The following EHD2 variants were observed in gnomAD, a reference collection of about 807,000 sequenced individuals.
The protein encoded by EHD2 is EH domain-containing protein 2.
In EHD2, 27 loss-of-function variants were observed where a neutral mutation model predicts 41.0. The observed-to-expected ratio is 0.66, with a 90% CI of 0.49 to 0.91. The LOEUF (loss-of-function observed/expected upper bound fraction) is 0.91. Among genes scored for constraint, EHD2 ranks in the 40% least tolerant of loss-of-function variants. The pLI, the probability that EHD2 is intolerant of heterozygous loss-of-function variation, is 0.00. For missense variants in EHD2, 673 were observed against 773.9 expected, an observed-to-expected ratio of 0.87 and a Z score of 1.55; for synonymous variants, 342 against 341.0, an observed-to-expected ratio of 1.00 and a Z score of -0.03.
intron 4 of EHD2, among the ~76,000 whole-genome samples, chr19:47,728,882 T>C (rs1194048809): frequency 6.6e-6 from 1 of 152,266 alleles, no homozygotes; most frequent in Non-Finnish European, 1.5e-5. Context: ...TCAGGGCTCT[T>C]TGAATTCCTT....
At chr19:47,723,679 A>C (rs897886992) in intron 3 of EHD2, among the ~76,000 whole-genome samples, 162 of 141,360 alleles carry the variant, frequency 1.1e-3, no homozygotes, top group African/African-American at 4.3e-3. Flanking sequence ...AAAAAGCTCA[A>C]CCATTTTTTT....
chr19:47,719,459 G>C lies in EHD2; in HGVS notation c.502+853G>C, dbSNP rs879393696. On this transcript the variant is annotated intron_variant, in intron 3 of 5. Coordinates refer to ENST00000263277, the MANE Select transcript of EHD2 (RefSeq NM_014601.4). The surrounding 1 kb of genome is among the most constrained non-coding windows in gnomAD (Gnocchi z 4.1). The stretch of plus-strand genomic sequence containing the variant: ...GGGGTGGATTCCAGCCGGGGCCTCC[G>C]GGCGTGCTGAGCCCTCACCACCCCT... Among the ~76,000 whole-genome samples the C allele has an allele frequency of 6.6e-6, 1 of 152,176 alleles. No individual in the cohort carries two copies. Among genetic ancestry groups the C allele is most frequent in the East Asian group, 1.9e-4 (1 of 5,156 alleles).
chr19:47,733,873 G>A (rs905177805), intron 4 of EHD2, among the ~76,000 whole-genome samples: 2 of 151,358 alleles, frequency 1.3e-5, no homozygotes, highest in South Asian at 2.1e-4. Flanking sequence ...AGGAACCCCC[G>A]AAAGGATCTT....
intron 4 of EHD2, among the ~76,000 whole-genome samples, chr19:47,730,150 G>A (rs1973793493): frequency 1.3e-5 from 2 of 151,990 alleles, no homozygotes; most frequent in African/African-American, 4.8e-5. Context: ...CCGGAGTCAG[G>A]GACCCAGCCC....
At chr19:47,738,801 C>T (rs1211441085) in intron 5 of EHD2, among the ~76,000 whole-genome samples, 1 of 152,192 alleles carries the variant, frequency 6.6e-6, no homozygotes. Flanking sequence ...GCCTCTCTGC[C>T]TTGGCTCAGG....
chr19:47,732,801 G>C (rs542645362), intron 4 of EHD2, among the ~76,000 whole-genome samples: 13 of 152,080 alleles, frequency 8.5e-5, no homozygotes, highest in Non-Finnish European at 1.5e-5. Flanking sequence ...ATAAGATTGT[G>C]GACCAGGTGT....
At chr19:47,721,237 T>G (rs368832693) in intron 3 of EHD2, among the ~76,000 whole-genome samples, 2 of 152,172 alleles carry the variant, frequency 1.3e-5, no homozygotes, top group African/African-American at 4.8e-5. Context: ...ATGTAAGATG[T>G]GTGAACACAC....
At chr19:47,736,328 G>GT (rs764616088) in intron 4 of EHD2, 41 bp from the exon 5 acceptor site, 1 of 1,570,838 alleles carries the variant, frequency 6.4e-7, no homozygotes, top group Admixed American at 1.9e-5. Flanking sequence ...AAGCTCCCTG[G>GT]TGGACCCTGA....
At chr19:47,723,878 T>A (rs1454881748) in intron 3 of EHD2, among the ~76,000 whole-genome samples, 2 of 151,872 alleles carry the variant, frequency 1.3e-5, no homozygotes, top group Admixed American at 1.3e-4. Flanking sequence ...AGAGACAGGG[T>A]CTTGTCATCT....
rs769487418 is a variant in EHD2 at position 47,725,881 on chromosome 19, C to T, written c.572C>T (p.Ala191Val). The change falls in exon 4 of 6, where the codon GCG (alanine) becomes GTG (valine). Residue 191 changes from alanine to valine, a missense_variant. Transcript: ENST00000263277. Reference protein sequence around the residue: ...RVDLIILLFDAHKLEISDEFS... With the variant: ...RVDLIILLFDVHKLEISDEFS... Reference sequence around the variant, plus strand: ...GACCTCATCATCCTGCTCTTTGATGCGCACAAGCTGGAGATCTCGGACGAG... The same window carrying T: ...GACCTCATCATCCTGCTCTTTGATGTGCACAAGCTGGAGATCTCGGACGAG... The T allele has an allele frequency of 6.2e-6, 10 of 1,613,198 alleles. No homozygotes were observed. Among genetic ancestry groups the T allele is most frequent in the Non-Finnish European group, 8.5e-6 (10 of 1,179,310 alleles).
intron 4 of EHD2, chr19:47,731,289 T>TATATATGTATATATATATATATATATAC (rs1973810439): frequency 1.2e-5 from 1 of 84,462 alleles, no homozygotes; most frequent in African/African-American, 3.3e-5. Flanking sequence ...AATATATATA[T>TATATATGTATATATATATATATATATAC]ATATATATAT....
chr19:47,737,054 ACCC>A, intron 5 of EHD2, among the ~76,000 whole-genome samples: 1 of 151,898 alleles, frequency 6.6e-6, no homozygotes, highest in South Asian at 2.1e-4. Flanking sequence ...ACACGGTGAA[ACCC>A]CGTCTCTACT....
intron 1 of EHD2, among the ~76,000 whole-genome samples, chr19:47,714,492 T>A (rs917076704): frequency 6.6e-6 from 1 of 152,064 alleles, no homozygotes; most frequent in Non-Finnish European, 1.5e-5. Context: ...AGAGGGGACA[T>A]CACTACAGAT....
At chr19:47,720,011 A>ACTC (rs1973678884) in intron 3 of EHD2, among the ~76,000 whole-genome samples, 1 of 141,542 alleles carries the variant, frequency 7.1e-6, no homozygotes, top group African/African-American at 2.7e-5. Flanking sequence ...TTATGAGTGT[A>ACTC]CTCCTGGGTG....
In EHD2 at chr19:47,741,133, G is replaced by A; in HGVS notation, c.1333G>A (p.Val445Met). ...GGGCTCGGACGACGAGGCCGAGTGG[G>A]TGGTGACCAAGGACAAGTCCAAATA... ...EEGSDDEAEW[V>M]VTKDKSKYDE... is the part of the protein sequence containing the mutation. Residue 445 changes from valine to methionine, a missense_variant, in exon 6 of 6, where the codon GTG becomes ATG. Val to Met is a conservative substitution (Grantham distance 21). Coordinates refer to ENST00000263277, the MANE Select transcript of EHD2 (RefSeq NM_014601.4). The surrounding 1 kb of genome is among the most constrained non-coding windows in gnomAD (Gnocchi z 4.5). 6.2e-7 allele frequency: 1 copy of A among 1,611,994 alleles called. No individual in the cohort carries two copies. Among genetic ancestry groups the A allele is most frequent in the Non-Finnish European group, 8.5e-7 (1 of 1,180,002 alleles).
chr19:47,733,751 C>CAAAAAAAAAAAAAAAAAAAA lies in EHD2; in HGVS notation c.916-2613_916-2594dup, dbSNP rs34254815. ...TGGGTGACAGAGCAAGACTCTGTCT[C>CAAAAAAAAAAAAAAAAAAAA]AAAAAAAAAAAAAAAAAAAAAAAAT... On this transcript the variant is annotated intron_variant, in intron 4 of 5. Transcript: ENST00000263277. Among the ~76,000 whole-genome samples the CAAAAAAAAAAAAAAAAAAAA allele has an allele frequency of 5.6e-4, 32 of 57,118 alleles. 2 individuals are homozygous for CAAAAAAAAAAAAAAAAAAAA. The highest frequency in any genetic ancestry group is 8.6e-4 in the Non-Finnish European group (26 of 30,146). 37.5% of individuals were successfully genotyped at this position (57,118 alleles called of 152,430 possible). A position where few individuals can be genotyped will look rare whatever the true frequency, so the allele number is the denominator to read the frequency against.
chr19:47,729,943 T>C (rs1973791065), intron 4 of EHD2, among the ~76,000 whole-genome samples: 1 of 152,010 alleles, frequency 6.6e-6, no homozygotes, highest in African/African-American at 2.4e-5. Flanking sequence ...CCTCCTCCTG[T>C]CTCTCCATCT....
chr19:47,737,003 G>A (rs1018803062), intron 5 of EHD2, among the ~76,000 whole-genome samples: 25 of 151,970 alleles, frequency 1.6e-4, no homozygotes, highest in Admixed American at 3.9e-4. Context: ...AGGCCGAGGC[G>A]GGCGGATCAC....
At chr19:47,724,778 C>T (rs934468506) in intron 3 of EHD2, among the ~76,000 whole-genome samples, 1 of 151,788 alleles carries the variant, frequency 6.6e-6, no homozygotes, top group Non-Finnish European at 1.5e-5. Flanking sequence ...TATTTAACTT[C>T]TCAGCCTGGC....
Sources: gnomAD v4.1 joint callset for allele counts (sites outside exome capture counted in the v4.1 genomes callset) on GRCh38, gnomAD v4.1.1 for gene constraint, Gnocchi (gnomAD v3.1) non-coding constraint, MANE v1.5 for transcripts, NCBI Gene and HGNC (gene_info 2026-07-23, HGNC 2026-07-21) for gene names.